PCDHGA1: variants seen among roughly 807,000 people sequenced by gnomAD.
The protein encoded by PCDHGA1 is protocadherin gamma subfamily A, 1.
A neutral mutation model predicts 58.0 loss-of-function variants in PCDHGA1; 32 were observed. The observed-to-expected ratio is 0.55, with a 90% CI of 0.42 to 0.74. PCDHGA1 has a LOEUF of 0.74. PCDHGA1 is among the 30% of genes least tolerant of loss of function. The pLI is 0.00. For missense variants in PCDHGA1, 1,205 were observed against 1,182.3 expected, an observed-to-expected ratio of 1.02 and a Z score of -0.28; for synonymous variants, 498 against 501.1, an observed-to-expected ratio of 0.99 and a Z score of 0.08.
At chr5:141,422,005 A>T in intron 1 of PCDHGA1, 1 of 1,609,814 alleles carries the variant, frequency 6.2e-7, no homozygotes, top group East Asian at 2.2e-5. Flanking sequence ...CAGCTCCGGA[A>T]CTCGGGTGCT....
chr5:141,352,064 T>C, intron 1 of PCDHGA1: 1 of 1,605,664 alleles, frequency 6.2e-7, no homozygotes, highest in Non-Finnish European at 8.5e-7. Context: ...TTGGCTGTCC[T>C]ACCACGTGCT....
intron 1 of PCDHGA1, among the ~76,000 whole-genome samples, chr5:141,386,999 C>T (rs2090777000): frequency 6.6e-6 from 1 of 152,224 alleles, no homozygotes; most frequent in Middle Eastern, 3.4e-3. Context: ...GTATTATCCC[C>T]CTGATAACTT....
intron 1 of PCDHGA1, chr5:141,421,414 C>A (rs2096570568): frequency 1.9e-6 from 3 of 1,614,066 alleles, no homozygotes; most frequent in South Asian, 2.2e-5. Flanking sequence ...GCTGGCGAAG[C>A]GCGGAGTCCG....
intron 1 of PCDHGA1, among the ~76,000 whole-genome samples, chr5:141,368,946 T>A (rs1330631003): frequency 6.6e-6 from 1 of 152,202 alleles, no homozygotes. Flanking sequence ...CTGGTTACTG[T>A]GAGTAGTTTA....
At chr5:141,415,478 GA>G (rs1209443921) in intron 1 of PCDHGA1, 2 of 1,613,964 alleles carry the variant, frequency 1.2e-6, no homozygotes, top group Non-Finnish European at 1.7e-6. Context: ...GCGGACTCGC[GA>G]AAGAGTCACC....
At chr5:141,338,785 A>T in intron 1 of PCDHGA1, 1 of 1,341,958 alleles carries the variant, frequency 7.5e-7, no homozygotes, top group Non-Finnish European at 9.5e-7. Flanking sequence ...CTCCCACAGC[A>T]CAAGGGGGTG....
chr5:141,487,803 A>G lies in PCDHGA1; in HGVS notation c.2422-7004A>G. On this transcript the variant is annotated intron_variant, in intron 1 of 3. Transcript: ENST00000517417. The surrounding 1 kb of genome is among the most constrained non-coding windows in gnomAD (Gnocchi z 5.0). ...TTCGTGAATTAACCAGAGTTGTCAC[A>G]GTTTAGCATTGGGGGCGGGTCATGC... 2.0e-6 allele frequency: 3 copies of G among 1,466,166 alleles called. No individual in the cohort carries two copies. The highest frequency in any genetic ancestry group is 2.8e-6 in the Non-Finnish European group (3 of 1,084,448). The allele number at this position is 1,466,166 out of a possible 1,614,324, so 90.8% of individuals were successfully genotyped here. A position where few individuals can be genotyped will look rare whatever the true frequency, so the allele number is the denominator to read the frequency against.
At position 141,498,794 on chromosome 5, in the gene PCDHGA1, G is replaced by A. The variant is rs184257963; in HGVS notation, c.2480+3929G>A. ...TAAAAATACAAAATATTAGCCAGGT[G>A]TGGTGGTGCACACCTGTAGTCCCAG... On this transcript the variant is annotated intron_variant, in intron 2 of 3. Transcript: ENST00000517417. Among the ~76,000 whole-genome samples the A allele has an allele frequency of 7.9e-5, 12 of 152,224 alleles. No individual in the cohort carries two copies. The East Asian group carries it at 2.3e-3, about 30-fold the overall frequency.
intron 1 of PCDHGA1, chr5:141,392,890 T>G (rs2092623202): frequency 3.1e-6 from 5 of 1,613,418 alleles, no homozygotes; most frequent in Admixed American, 1.7e-5. Context: ...CTGTGGGAAA[T>G]CGGGAGGGGA....
intron 1 of PCDHGA1, chr5:141,384,303 G>C: frequency 6.2e-7 from 1 of 1,613,716 alleles, no homozygotes; most frequent in Non-Finnish European, 8.5e-7. Flanking sequence ...ACCCCAGAGG[G>C]GCCTCCATTT....
chr5:141,348,743 A>G (rs1003038486), intron 1 of PCDHGA1, among the ~76,000 whole-genome samples: 3 of 152,246 alleles, frequency 2.0e-5, no homozygotes, highest in Non-Finnish European at 4.4e-5. Flanking sequence ...TCATAGTAAA[A>G]GGAATGGAAA....
intron 1 of PCDHGA1, among the ~76,000 whole-genome samples, chr5:141,482,944 G>A (rs1362136222): frequency 6.6e-6 from 1 of 152,094 alleles, no homozygotes; most frequent in Non-Finnish European, 1.5e-5. Context: ...GTGGTTGTGG[G>A]TGCCTGTAAT....
chr5:141,410,332 C>T (rs541138780), intron 1 of PCDHGA1: 2 of 1,614,002 alleles, frequency 1.2e-6, no homozygotes, highest in Non-Finnish European at 1.7e-6. Context: ...TGATTCTGGC[C>T]ATTGCCTTGC....
intron 1 of PCDHGA1, chr5:141,350,138 C>A: frequency 2.5e-6 from 2 of 788,660 alleles, no homozygotes; most frequent in Non-Finnish European, 3.7e-6. Context: ...ACAGACGCTG[C>A]TCCTGTTCAC....
intron 1 of PCDHGA1, chr5:141,398,705 A>G (rs778909536): frequency 6.2e-7 from 1 of 1,613,874 alleles, no homozygotes; most frequent in Admixed American, 1.7e-5. Flanking sequence ...AAATACCCGG[A>G]ACTGGCACTG....
chr5:141,365,362 C>T, intron 1 of PCDHGA1: 1 of 1,613,900 alleles, frequency 6.2e-7, no homozygotes, highest in East Asian at 2.2e-5. Flanking sequence ...ATGACAATGC[C>T]CCCGAAGTGA....
rs202006594 is a variant in PCDHGA1, at chr5:141,477,618, C to A, written c.2422-17189C>A. 15 of 1,614,176 alleles carry A rather than the reference C, an allele frequency of 9.3e-6. No homozygotes were observed. The African/African-American group carries it at 1.3e-4, about 14-fold the overall frequency. ...TCTTTCTTTCTCTTGGAGCAAGGAGCTGAAACCGGGCTAGTGGGTCGCTAT... is the reference window on the plus strand; with the variant it reads ...TCTTTCTTTCTCTTGGAGCAAGGAGATGAAACCGGGCTAGTGGGTCGCTAT... On this transcript the variant is annotated intron_variant, in intron 1 of 3. Coordinates refer to ENST00000517417, the MANE Select transcript of PCDHGA1 (RefSeq NM_018912.3). The surrounding 1 kb of genome is among the most constrained non-coding windows in gnomAD (Gnocchi z 4.9).
At chr5:141,472,668 C>T (rs2099292239) in intron 1 of PCDHGA1, among the ~76,000 whole-genome samples, 1 of 151,742 alleles carries the variant, frequency 6.6e-6, no homozygotes, top group African/African-American at 2.4e-5. Context: ...ATCCTGTATA[C>T]TGGTCCTTCC....
At position 141,476,760 on chromosome 5, in the gene PCDHGA1, C is replaced by A; in HGVS notation, c.2422-18047C>A. The A allele has an allele frequency of 6.2e-7, 1 of 1,613,824 alleles. No homozygotes were observed. Among genetic ancestry groups the A allele is most frequent in the Non-Finnish European group, 8.5e-7 (1 of 1,180,010 alleles). On this transcript the variant is annotated intron_variant, in intron 1 of 3. Coordinates refer to ENST00000517417, the MANE Select transcript of PCDHGA1 (RefSeq NM_018912.3). This position sits in a 1 kb window ranked among gnomAD's most constrained non-coding sequence, Gnocchi z 7.6. ...GAGCCTAGTCTCCAGTTAGTGCTGA[C>A]GGCGTTGGACGGAGGGACCCCAGCT...
Sources: gnomAD v4.1 joint callset for allele counts (sites outside exome capture counted in the v4.1 genomes callset) on GRCh38, gnomAD v4.1.1 for gene constraint, Gnocchi (gnomAD v3.1) non-coding constraint, MANE v1.5 for transcripts, NCBI Gene and HGNC (gene_info 2026-07-23, HGNC 2026-07-21) for gene names.